Variants in RBM23 observed in about 807,000 individuals in gnomAD.
RBM23 encodes the protein RNA binding motif protein 23.
RBM23 carries 53 observed loss-of-function variants against 56.2 expected under a neutral mutation model. The observed-to-expected ratio is 0.94, with a 90% CI of 0.76 to 1.19. The LOEUF (loss-of-function observed/expected upper bound fraction) is 1.19, where lower values mean the gene tolerates loss of function less well. Ranked by LOEUF, RBM23 falls within the 50% of genes most tolerant of loss-of-function variation. The pLI is 0.00. For missense variants in RBM23, 642 were observed against 590.3 expected, an observed-to-expected ratio of 1.09 and a Z score of -0.91; for synonymous variants, 197 against 198.5, an observed-to-expected ratio of 0.99 and a Z score of 0.06.
In RBM23 at chr14:22,905,064, A is replaced by C. The variant is rs762464918; in HGVS notation, c.726+30T>G. 2.5e-6 allele frequency: 4 copies of C among 1,613,876 alleles called. No individual in the cohort carries two copies. In the East Asian group the frequency reaches 8.9e-5, roughly 36 times the overall value. ...TGTCCCACATTCCCTCTCCCCTTAA[A>C]ATCTTATGTCTGTTTCTCAGCCTGC... is the stretch of plus-strand genomic sequence containing the variant. On this transcript the variant is annotated intron_variant, in intron 8 of 13. Transcript: ENST00000359890.
chr14:22,905,054 C>A, intron 8 of RBM23, 40 bp downstream of exon 8: 1 of 1,614,056 alleles, frequency 6.2e-7, no homozygotes, highest in Non-Finnish European at 8.5e-7. Flanking sequence ...CACATTCCCT[C>A]TCCCCTTAAA....
intron 8 of RBM23, 28 bp from the exon 9 acceptor site, chr14:22,905,040 G>A: frequency 1.9e-6 from 3 of 1,614,126 alleles, no homozygotes; most frequent in Non-Finnish European, 1.7e-6. Flanking sequence ...GATGGGTCAT[G>A]TCCCACATTC....
intron 1 of RBM23, among the ~76,000 whole-genome samples, chr14:22,916,440 C>T (rs1419705359): frequency 7.0e-6 from 1 of 142,194 alleles, no homozygotes; most frequent in Admixed American, 7.1e-5. Flanking sequence ...ATATTTTGGG[C>T]TTTTTTTTTT....
intron 5 of RBM23, 117 bp from the exon 6 acceptor site, chr14:22,905,776 G>T (rs762494804): frequency 1.2e-5 from 10 of 815,932 alleles, no homozygotes; most frequent in Admixed American, 5.0e-5. Flanking sequence ...TTAAGACAGG[G>T]TTTCCGCTGT....
chr14:22,902,924 A>C, intron 10 of RBM23: 1 of 638,248 alleles, frequency 1.6e-6, no homozygotes, highest in Non-Finnish European at 1.9e-6. Context: ...ACAGGCACCC[A>C]CCACCATGCC....
At chr14:22,907,087 C>T (rs1174517217) in intron 4 of RBM23, among the ~76,000 whole-genome samples, 1 of 151,902 alleles carries the variant, frequency 6.6e-6, no homozygotes, top group Middle Eastern at 3.4e-3. Context: ...GGCAGGAGAA[C>T]TTCTTAAACC....
intron 4 of RBM23, among the ~76,000 whole-genome samples, chr14:22,907,282 C>A (rs746070317): frequency 6.6e-6 from 1 of 151,852 alleles, no homozygotes; most frequent in South Asian, 2.1e-4. Flanking sequence ...GCAGAGGTTG[C>A]GGTGAGCCAA....
rs961906101 is a variant in RBM23 at position 22,900,334 on chromosome 14, C to T, written c.*1396G>A. ...CTTAACTCTTCAAGATCACAACCCC[C>T]CCCCCTCCCCGCCCCGCCCCACTAG... On this transcript the variant is annotated 3_prime_UTR_variant, in exon 14 of 14. Coordinates refer to ENST00000359890, the MANE Select transcript of RBM23 (RefSeq NM_001077351.2). The T allele has an allele frequency of 6.6e-6, 1 of 151,370 alleles. No individual in the cohort carries two copies. Among genetic ancestry groups the T allele is most frequent in the Non-Finnish European group, 1.5e-5 (1 of 67,922 alleles). The allele number at this position is 151,370 out of a possible 1,614,324, so 9.4% of individuals were successfully genotyped here. A position where few individuals can be genotyped will look rare whatever the true frequency, so the allele number is the denominator to read the frequency against.
chr14:22,906,154 GATT>G (rs1044817917), intron 5 of RBM23, 38 bp downstream of exon 5: 1 of 1,606,726 alleles, frequency 6.2e-7, no homozygotes, highest in African/African-American at 1.3e-5. Context: ...GTTTTATCCA[GATT>G]ATTATACAAA....
intron 2 of RBM23, 47 bp downstream of exon 2, chr14:22,911,281 A>C (rs988670053): frequency 8.2e-6 from 12 of 1,466,782 alleles, no homozygotes; most frequent in South Asian, 1.1e-5. Context: ...ATCGACAACT[A>C]CTCTTTCTCA....
In RBM23 at chr14:22,899,490, C is replaced by T. The variant is rs902193938; in HGVS notation, c.*2240G>A. 1.3e-5 allele frequency: 2 copies of T among 152,326 alleles called. No individual in the cohort carries two copies. Among genetic ancestry groups the T allele is most frequent in the African/African-American group, 4.8e-5 (2 of 41,450 alleles). The allele number at this position is 152,326 out of a possible 1,614,324, so 9.4% of individuals were successfully genotyped here. On this transcript the variant is annotated 3_prime_UTR_variant, in exon 14 of 14. Coordinates refer to ENST00000359890, the MANE Select transcript of RBM23 (RefSeq NM_001077351.2). Reference sequence around the variant, plus strand: ...CCGCCTCCCAGGCTCAAGCGATTCTCCTGTCTCAGCCTCCTGAGTAGCTGG... The same window carrying T: ...CCGCCTCCCAGGCTCAAGCGATTCTTCTGTCTCAGCCTCCTGAGTAGCTGG...
chr14:22,905,892 GAC>G, intron 5 of RBM23: 1 of 596,632 alleles, frequency 1.7e-6, no homozygotes. Flanking sequence ...TAGGATTACA[GAC>G]ACACATGACC....
intron 1 of RBM23, among the ~76,000 whole-genome samples, chr14:22,914,267 G>A (rs1004025911): frequency 3.5e-4 from 52 of 149,050 alleles, no homozygotes; most frequent in African/African-American, 1.2e-3. Context: ...AGAGGTTGCA[G>A]TGAGCCAAGA....
In RBM23 at chr14:22,899,982, C is replaced by T. The variant is rs1279150628; in HGVS notation, c.*1748G>A. 2.5e-4 allele frequency: 38 copies of T among 152,146 alleles called. No homozygotes were observed. The highest frequency in any genetic ancestry group is 4.4e-5 in the Non-Finnish European group (3 of 68,034). 9.4% of individuals were successfully genotyped at this position (152,146 alleles called of 1,614,324 possible). A position where few individuals can be genotyped will look rare whatever the true frequency, so the allele number is the denominator to read the frequency against. On this transcript the variant is annotated 3_prime_UTR_variant, in exon 14 of 14. Transcript: ENST00000359890. ...GAATTCAGGCCTTCTCATTTGGTCCCTAAGCTGGGTGAGACAGCCTCTCTC... is the reference window on the plus strand; with the variant it reads ...GAATTCAGGCCTTCTCATTTGGTCCTTAAGCTGGGTGAGACAGCCTCTCTC...
In RBM23 at chr14:22,902,223, C is replaced by T. The variant is rs367578617; in HGVS notation, c.1090G>A (p.Gly364Ser). 29 of 1,614,088 alleles carry T rather than the reference C, an allele frequency of 1.8e-5. No homozygotes were observed. The East Asian group carries it at 6.2e-4, about 35-fold the overall frequency. ...GDQELDLGSA[G>S]GRFQLMAKLA... is the part of the protein sequence containing the mutation. ...TTTGCCATGAGCTGAAAACGTCCAC[C>T]TGCTGATCCCAGATCCAGCTCCTGG... The change falls in exon 11 of 14, where the codon GGT (glycine) becomes AGT (serine). Residue 364 changes from glycine (G) to serine (S), a missense_variant. Physicochemically the swap from Gly to Ser is moderately conservative, Grantham distance 56. Coordinates refer to ENST00000359890, the MANE Select transcript of RBM23 (RefSeq NM_001077351.2).
chr14:22,906,223 G>A lies in RBM23; in HGVS notation c.373C>T (p.His125Tyr), dbSNP rs759424504. 9.9e-6 allele frequency: 16 copies of A among 1,614,222 alleles called. No homozygotes were observed. Among genetic ancestry groups the A allele is most frequent in the Non-Finnish European group, 1.3e-5 (15 of 1,180,038 alleles). Residue 125 changes from histidine (H) to tyrosine (Y), a missense_variant, in exon 5 of 14, where the codon CAT (histidine) becomes TAT (tyrosine). Physicochemically the swap from His to Tyr is moderately conservative, Grantham distance 83. Coordinates refer to ENST00000359890, the MANE Select transcript of RBM23 (RefSeq NM_001077351.2). ...SRDHRREDRV[H>Y]YRSPPLATGY... ...GTGGCAAGTGGAGGACTCCTGTAATGCACACGATCCTCACGACGATGGTCC... is the reference window on the plus strand; with the variant it reads ...GTGGCAAGTGGAGGACTCCTGTAATACACACGATCCTCACGACGATGGTCC...
Position 22,902,029 on chromosome 14 carries a change from T to C in RBM23, c.1197A>G (p.Gln399=), listed in dbSNP as rs779532495. Residue 399 remains glutamine (Q), a synonymous_variant, in exon 12 of 14, where the codon CAA becomes CAG. Transcript: ENST00000359890. ...AAAAAQAAAL[Q]LNGAVPLGAL... ...CCCCCAAGGGAACTGCTCCATTCAGTTGCAAGGCAGCAGCCTGGGCGGCGG... is the reference window on the plus strand; with the variant it reads ...CCCCCAAGGGAACTGCTCCATTCAGCTGCAAGGCAGCAGCCTGGGCGGCGG... 6.8e-5 allele frequency: 109 copies of C among 1,610,264 alleles called. No homozygotes were observed. The highest frequency in any genetic ancestry group is 9.1e-5 in the Non-Finnish European group (107 of 1,178,528).
chr14:22,902,337 C>CGGGTT lies in RBM23; in HGVS notation c.975_976insAACCC (p.Gly326AsnfsTer11). On this transcript the variant is annotated frameshift_variant, in exon 11 of 14. Coordinates refer to ENST00000359890, the MANE Select transcript of RBM23 (RefSeq NM_001077351.2). LOFTEE classifies it high-confidence loss of function. ...ATAGGTCGACCAGCAAGCTCAAACC[C>CGGGTT]ATTCAACTGTTCCAGGGCCCGCCGG... 1 of 1,614,102 alleles carries CGGGTT rather than the reference C, an allele frequency of 6.2e-7. No homozygotes were observed. Among genetic ancestry groups the CGGGTT allele is most frequent in the Non-Finnish European group, 8.5e-7 (1 of 1,179,962 alleles).
In RBM23 at chr14:22,906,122, C is replaced by T. The variant is rs1467639481; in HGVS notation, c.401+73G>A. 3 of 1,520,430 alleles carry T rather than the reference C, an allele frequency of 2.0e-6. No homozygotes were observed. The African/African-American group carries it at 4.1e-5, about 21-fold the overall frequency. The allele number at this position is 1,520,430 out of a possible 1,614,324, so 94.2% of individuals were successfully genotyped here. On this transcript the variant is annotated intron_variant, in intron 5 of 13. Coordinates refer to ENST00000359890, the MANE Select transcript of RBM23 (RefSeq NM_001077351.2). ...ATGTGTTATAATAAGCACCCTCAAG[C>T]AGGGTTCATAGTGCATTTGTTGTTT...
Sources: allele counts gnomAD v4.1 joint callset (sites outside exome capture counted in the v4.1 genomes callset), GRCh38; gene constraint gnomAD v4.1.1; transcripts MANE v1.5; gene names NCBI Gene and HGNC (gene_info 2026-07-23, HGNC 2026-07-21).